Variants in PUDP observed in about 807,000 individuals in gnomAD.
PUDP encodes the protein pseudouridine 5'-phosphatase, also known as pseudouridine-5'-phosphatase.
Under a neutral mutation model 9.4 loss-of-function variants are expected in PUDP, and 8 were observed. The observed-to-expected ratio is 0.85, with a 90% confidence interval of 0.50 to 1.53. The LOEUF (loss-of-function observed/expected upper bound fraction) is 1.53. PUDP is among the 40% of genes most tolerant of loss of function. The pLI, the probability that PUDP is intolerant of heterozygous loss-of-function variation, is 0.00. For synonymous variants in PUDP, 99 were observed against 80.7 expected (o/e 1.23, Z -1.22); for missense variants, 188 against 189.7 (o/e 0.99, Z 0.05).
intron 2 of PUDP, among the ~76,000 whole-genome samples, chrX:7,080,220 C>T (rs1931040844): frequency 8.9e-6 from 1 of 112,121 alleles, no homozygotes; most frequent in Non-Finnish European, 1.9e-5. Context: ...ACACATTTGA[C>T]CATTTAGATG....
chrX:6,857,574 C>T (rs1396629890), intron 3 of PUDP, among the ~76,000 whole-genome samples: 1 of 111,819 alleles, frequency 8.9e-6, no homozygotes, highest in Admixed American at 9.5e-5. Flanking sequence ...GCTCAGACTA[C>T]AGGCACATGC....
At chrX:6,708,534 G>A (rs1359120011) in intron 1 of PUDP, among the ~76,000 whole-genome samples, 1 of 112,200 alleles carries the variant, frequency 8.9e-6, no homozygotes, top group African/African-American at 3.2e-5. Flanking sequence ...TTTGACATTA[G>A]CCTGTATGCT....
At chrX:7,087,085 A>T (rs979303888) in intron 2 of PUDP, among the ~76,000 whole-genome samples, 2 of 111,825 alleles carry the variant, frequency 1.8e-5, no homozygotes, top group Non-Finnish European at 3.8e-5. Context: ...CTGGCTTGAC[A>T]GTGCTCTCCC....
At chrX:7,039,442 A>T (rs1306844504) in intron 1 of PUDP, among the ~76,000 whole-genome samples, 1 of 112,111 alleles carries the variant, frequency 8.9e-6, no homozygotes, top group Admixed American at 9.4e-5. Context: ...TTGTATTTGG[A>T]GATGGGTCAT....
At chrX:6,820,865 G>A (rs754419635) in intron 3 of PUDP, among the ~76,000 whole-genome samples, 6 of 111,556 alleles carry the variant, frequency 5.4e-5, no homozygotes, top group Admixed American at 4.7e-4. Flanking sequence ...GAGGACGGTG[G>A]CCCACTTCTC....
intron 3 of PUDP, among the ~76,000 whole-genome samples, chrX:6,942,156 A>T (rs1928409094): frequency 8.9e-6 from 1 of 111,840 alleles, no homozygotes; most frequent in Admixed American, 9.5e-5. Flanking sequence ...TCACCACTAC[A>T]CAATATACGC....
intron 3 of PUDP, among the ~76,000 whole-genome samples, chrX:6,790,038 T>C (rs766819874): frequency 6.3e-5 from 7 of 110,599 alleles, no homozygotes; most frequent in Non-Finnish European, 1.3e-4. Flanking sequence ...AGATGATTGA[T>C]AGATACAAGA....
intron 3 of PUDP, among the ~76,000 whole-genome samples, chrX:6,813,923 G>A (rs1405608318): frequency 9.0e-6 from 1 of 111,701 alleles, no homozygotes; most frequent in Non-Finnish European, 1.9e-5. Flanking sequence ...GGGGGTTCAC[G>A]TGAAGGAGTC....
chrX:6,718,602 G>A (rs764620701), intron 1 of PUDP, among the ~76,000 whole-genome samples: 69 of 111,179 alleles, frequency 6.2e-4, no homozygotes, highest in Non-Finnish European at 1.1e-3. Flanking sequence ...AGGAAAGGTG[G>A]AAGGGTGGGA....
chrX:7,054,240 C>G (rs1367721904), intron 3 of PUDP, among the ~76,000 whole-genome samples: 1 of 110,651 alleles, frequency 9.0e-6, no homozygotes, highest in African/African-American at 3.3e-5. Context: ...AAAATCACAT[C>G]GCTACCAAAA....
At position 7,050,294 on chromosome X, in the gene PUDP, T is replaced by C. The variant is rs749155283; in HGVS notation, c.*2A>G. ...GGGGGCGGAAGACTGAGGCCCTCCCTCTCACTCATAGGAGGGCAAACCAAA... is the reference window on the plus strand; with the variant it reads ...GGGGGCGGAAGACTGAGGCCCTCCCCCTCACTCATAGGAGGGCAAACCAAA... On this transcript the variant is annotated 3_prime_UTR_variant, in exon 4 of 4. Transcript: ENST00000381077. 5.0e-6 allele frequency: 6 copies of C among 1,207,586 alleles called. No individual in the cohort carries two copies. The highest frequency in any genetic ancestry group is 5.6e-6 in the Non-Finnish European group (5 of 892,325).
At chrX:6,895,401 TTAC>T (rs1927576086) in intron 3 of PUDP, among the ~76,000 whole-genome samples, 1 of 107,413 alleles carries the variant, frequency 9.3e-6, no homozygotes, top group Admixed American at 1.0e-4. Flanking sequence ...TATTTGTTAT[TTAC>T]TATTATTAGC....
At chrX:7,034,275 T>C (rs1258543008) in intron 1 of PUDP, among the ~76,000 whole-genome samples, 1 of 111,829 alleles carries the variant, frequency 8.9e-6, no homozygotes, top group Non-Finnish European at 1.9e-5. Context: ...TCAGGTATTA[T>C]GTAACTTGAA....
intron 3 of PUDP, among the ~76,000 whole-genome samples, chrX:6,876,379 G>T (rs1381965757): frequency 9.0e-6 from 1 of 111,161 alleles, no homozygotes; most frequent in Non-Finnish European, 1.9e-5. Flanking sequence ...TTAGCAGGCT[G>T]TAATTCCATC....
intron 2 of PUDP, among the ~76,000 whole-genome samples, chrX:6,977,711 A>T (rs1342659790): frequency 8.9e-6 from 1 of 112,134 alleles, no homozygotes; most frequent in Non-Finnish European, 1.9e-5. Flanking sequence ...TTGGCAAACC[A>T]AAAGCCAGGA....
chrX:6,891,228 CT>C (rs1231286623), intron 3 of PUDP, among the ~76,000 whole-genome samples: 2 of 111,956 alleles, frequency 1.8e-5, no homozygotes, highest in African/African-American at 3.2e-5. Context: ...GTATCTTCCC[CT>C]AGGAGCAATA....
chrX:7,016,802 A>C (rs769444171), intron 1 of PUDP, among the ~76,000 whole-genome samples: 373 of 110,895 alleles, frequency 3.4e-3, no homozygotes, highest in South Asian at 6.7e-3. Flanking sequence ...AATGTTGGGA[A>C]TAATTCTCAT....
At position 6,798,116 on chromosome X, in the gene PUDP, A is replaced by C. The variant is rs758697671; in HGVS notation, c.*248-91650T>G. On this transcript the variant is annotated intron_variant and NMD_transcript_variant, in intron 3 of 3. Transcript: ENST00000655425. The stretch of plus-strand genomic sequence containing the variant: ...AATAAACACATACCAAAGACTGGGT[A>C]ATTTATAAAGGAAAGAGATTTAATG... 1.3e-4 allele frequency among the ~76,000 whole-genome samples: 15 copies of C among 112,334 alleles called. 1 individual carries two copies. Among genetic ancestry groups the C allele is most frequent in the African/African-American group, 4.5e-4 (14 of 30,974 alleles).
chrX:6,848,479 A>G (rs1602644334), intron 3 of PUDP, among the ~76,000 whole-genome samples: 1 of 112,354 alleles, frequency 8.9e-6, no homozygotes, highest in East Asian at 2.8e-4. Flanking sequence ...AATTTTGTAG[A>G]CATTACAGAT....
Sources: gnomAD v4.1 joint callset for allele counts (sites outside exome capture counted in the v4.1 genomes callset) on GRCh38, gnomAD v4.1.1 for gene constraint, MANE v1.5 for transcripts, NCBI Gene and HGNC (gene_info 2026-07-23, HGNC 2026-07-21) for gene names.